The following PTPRD variants were observed in gnomAD, a reference collection of about 807,000 sequenced individuals.
PTPRD encodes the protein receptor-type tyrosine-protein phosphatase delta.
In PTPRD, 34 loss-of-function variants were observed where a neutral mutation model predicts 214.5. That is an observed-to-expected ratio of 0.16 (90% CI 0.12 to 0.21). The LOEUF is 0.21. PTPRD is among the 10% of genes least tolerant of loss of function. The pLI, the probability that PTPRD is intolerant of heterozygous loss-of-function variation, is 1.00. For synonymous variants in PTPRD, 1,128 were observed against 845.7 expected, an observed-to-expected ratio of 1.33 and a Z score of -5.79; for missense variants, 2,545 against 2,398.7, an observed-to-expected ratio of 1.06 and a Z score of -1.27.
intron 9 of PTPRD, among the ~76,000 whole-genome samples, chr9:9,388,522 A>G (rs1475880320): frequency 2.0e-5 from 3 of 152,200 alleles, no homozygotes; most frequent in Non-Finnish European, 4.4e-5. Context: ...ACTAAGATGT[A>G]TGGTTACCTT....
intron 8 of PTPRD, among the ~76,000 whole-genome samples, chr9:9,568,671 C>T (rs759398065): frequency 5.9e-5 from 9 of 151,866 alleles, no homozygotes; most frequent in African/African-American, 1.2e-4. Flanking sequence ...TTTTTTTAAA[C>T]GATAATCAGA....
intron 12 of PTPRD, among the ~76,000 whole-genome samples, chr9:8,648,580 C>T (rs1222218090): frequency 2.6e-5 from 4 of 152,192 alleles, no homozygotes; most frequent in Non-Finnish European, 4.4e-5. Context: ...TCTAGATTTG[C>T]TTACTACCTA....
At chr9:9,917,134 T>C (rs2081084581) in intron 5 of PTPRD, among the ~76,000 whole-genome samples, 1 of 150,570 alleles carries the variant, frequency 6.6e-6, no homozygotes. Context: ...ATAAACAATC[T>C]AACAATGAAT....
At chr9:9,805,242 T>C (rs969544712) in intron 5 of PTPRD, among the ~76,000 whole-genome samples, 1 of 152,162 alleles carries the variant, frequency 6.6e-6, no homozygotes, top group African/African-American at 2.4e-5. Flanking sequence ...CCTAGTAGTA[T>C]GAGAAGAAGT....
chr9:9,651,826 G>C (rs200345055), intron 7 of PTPRD, among the ~76,000 whole-genome samples: 2 of 55,064 alleles, frequency 3.6e-5, no homozygotes, highest in African/African-American at 7.7e-5. Flanking sequence ...TTCAAGGTTT[G>C]TTTTTTTTTT....
chr9:8,344,164 GTTGTCTTTCTAAA>G (rs1855271340), intron 39 of PTPRD, among the ~76,000 whole-genome samples: 1 of 152,004 alleles, frequency 6.6e-6, no homozygotes, highest in East Asian at 1.9e-4. Flanking sequence ...TTCTTTCTGT[GTTGTCTTTCTAAA>G]TTGTCTTCAT....
At chr9:9,389,249 G>T (rs756390506) in intron 9 of PTPRD, among the ~76,000 whole-genome samples, 1 of 152,108 alleles carries the variant, frequency 6.6e-6, no homozygotes, top group Non-Finnish European at 1.5e-5. Flanking sequence ...AGTGGCTCAC[G>T]CCTGTAATTC....
At chr9:8,813,770 T>A (rs1283176955) in intron 11 of PTPRD, among the ~76,000 whole-genome samples, 1 of 152,222 alleles carries the variant, frequency 6.6e-6, no homozygotes, top group Non-Finnish European at 1.5e-5. Flanking sequence ...CTTTGCTGAG[T>A]TCCTGAGCTA....
intron 8 of PTPRD, among the ~76,000 whole-genome samples, chr9:9,571,130 G>A (rs958192119): frequency 6.6e-6 from 1 of 151,372 alleles, no homozygotes; most frequent in South Asian, 2.1e-4. Context: ...AAAAACACAT[G>A]CAATTCTAAA....
intron 7 of PTPRD, among the ~76,000 whole-genome samples, chr9:9,579,885 A>T (rs547244622): frequency 6.6e-6 from 1 of 152,192 alleles, no homozygotes; most frequent in East Asian, 1.9e-4. Flanking sequence ...TCCATTGTCA[A>T]TCAACCCAAG....
rs140719408 is a variant in PTPRD at position 8,819,775 on chromosome 9, C to T, written c.-103-85829G>A. Among the ~76,000 whole-genome samples the T allele has an allele frequency of 5.9e-5, 9 of 152,196 alleles. No individual in the cohort carries two copies. The East Asian group carries it at 1.7e-3, about 29-fold the overall frequency. ...GTTAAAGTCAGATTCCTTTGTGACA[C>T]AGCATCGTGAAGTTGTTGATAGCCG... On this transcript the variant is annotated intron_variant, in intron 11 of 45. Transcript: ENST00000381196.
chr9:9,759,187 G>A (rs2098625635), intron 6 of PTPRD, among the ~76,000 whole-genome samples: 1 of 152,086 alleles, frequency 6.6e-6, no homozygotes, highest in Non-Finnish European at 1.5e-5. Flanking sequence ...CTAGCCTGAT[G>A]CCCCTGAGAT....
rs201800320 is a variant in PTPRD at position 8,504,429 on chromosome 9, T to C, written c.1678-24A>G. 1,822 of 1,613,670 alleles carry C rather than the reference T, an allele frequency of 1.1e-3. 6 individuals are homozygous for C. The highest frequency in any genetic ancestry group is 1.4e-3 in the Non-Finnish European group (1,704 of 1,179,654). ...TGCTGGAAGCAATAAGAGAATGTGG[T>C]CATCTTCATTAAGGTTCATGCAAAT... On this transcript the variant is annotated intron_variant, in intron 22 of 45. Coordinates refer to ENST00000381196, the MANE Select transcript of PTPRD (RefSeq NM_002839.4).
intron 5 of PTPRD, among the ~76,000 whole-genome samples, chr9:9,813,057 A>G (rs1286325304): frequency 6.6e-6 from 1 of 152,112 alleles, no homozygotes; most frequent in Non-Finnish European, 1.5e-5. Flanking sequence ...TCTTAATGCA[A>G]TCAATGGGCC....
intron 3 of PTPRD, among the ~76,000 whole-genome samples, chr9:10,209,083 T>C (rs149383600): frequency 9.3e-4 from 141 of 152,334 alleles, no homozygotes; most frequent in African/African-American, 3.3e-3. Context: ...CTGCAGTTCG[T>C]GATTTTTTTT....
intron 10 of PTPRD, among the ~76,000 whole-genome samples, chr9:9,107,889 G>A (rs1423361217): frequency 1.3e-5 from 2 of 152,002 alleles, no homozygotes; most frequent in Non-Finnish European, 2.9e-5. Context: ...TTGAAAGCCT[G>A]TGTTGTGTAT....
At chr9:9,208,767 C>A (rs1421552213) in intron 9 of PTPRD, among the ~76,000 whole-genome samples, 1 of 151,432 alleles carries the variant, frequency 6.6e-6, no homozygotes, top group Non-Finnish European at 1.5e-5. Flanking sequence ...CATCAATGGT[C>A]TCAAACTACA....
At position 8,903,764 on chromosome 9, in the gene PTPRD, G is replaced by GCTC. The variant is rs1231118111; in HGVS notation, c.-104+114932_-104+114933insGAG. ...ATTCTCTACCTTTAAAAAATTATGG[G>GCTC]AAATTTGATTACTATTTAAAAGACT... is the stretch of plus-strand genomic sequence containing the variant. On this transcript the variant is annotated intron_variant, in intron 11 of 45. Coordinates refer to ENST00000381196, the MANE Select transcript of PTPRD (RefSeq NM_002839.4). Among the ~76,000 whole-genome samples, 799 of 148,630 alleles carry GCTC rather than the reference G, an allele frequency of 5.4e-3. 22 individuals carry two copies. The highest frequency in any genetic ancestry group is 0.02 in the African/African-American group (752 of 38,230).
chr9:10,398,738 G>A (rs541561673), intron 2 of PTPRD, among the ~76,000 whole-genome samples: 5 of 152,042 alleles, frequency 3.3e-5, no homozygotes, highest in African/African-American at 1.2e-4. Context: ...AAAAATGGCG[G>A]CCACGTATGC....
Sources: gnomAD v4.1 joint callset for allele counts (sites outside exome capture counted in the v4.1 genomes callset) on GRCh38, gnomAD v4.1.1 for gene constraint, MANE v1.5 for transcripts, NCBI Gene and HGNC (gene_info 2026-07-23, HGNC 2026-07-21) for gene names.